TAPBPL: variants seen among roughly 807,000 people sequenced by gnomAD.
TAPBPL encodes TAP binding protein like.
In TAPBPL, 32 loss-of-function variants were observed where a neutral mutation model predicts 44.8. The observed-to-expected ratio is 0.71, with a 90% CI of 0.54 to 0.96. The LOEUF is 0.96. Among genes scored for constraint, TAPBPL ranks in the 40% least tolerant of loss-of-function variants. The probability of loss-of-function intolerance (pLI) is 0.00; values close to 1 mark genes in which losing one functional copy is unlikely to be tolerated. For synonymous variants in TAPBPL, 230 were observed against 240.7 expected (o/e 0.96, Z 0.41); for missense variants, 520 against 586.6 (o/e 0.89, Z 1.17).
At chr12:6,464,572 C>T, downstream of TAPBPL, 15 of 1,463,878 alleles carry the variant, frequency 1.0e-5, no homozygotes, top group South Asian at 1.5e-5. Context: ...AGTTACCAGA[C>T]ATTCAGGTCT....
At position 6,457,509 on chromosome 12, in the gene TAPBPL, C is replaced by T. The variant is rs1298195897; in HGVS notation, c.669C>T (p.Ile223=). ...CCATGGCACCGGGCTTGGACCTCAT[C>T]AGTGTGGAGTGGCGACTGCAGCACA... ...GFSMAPGLDL[I]SVEWRLQHKG... is the part of the protein sequence containing the mutation. Residue 223 remains isoleucine, a synonymous_variant, in exon 4 of 7, where the codon ATC becomes ATT. Coordinates refer to ENST00000266556, the MANE Select transcript of TAPBPL (RefSeq NM_018009.5). The T allele has an allele frequency of 6.2e-7, 1 of 1,614,228 alleles. No individual in the cohort carries two copies. The highest frequency in any genetic ancestry group is 1.3e-5 in the African/African-American group (1 of 75,062).
chr12:6,452,966 T>G (rs1949597087), intron 1 of TAPBPL, 101 bp from the exon 2 acceptor site: 3 of 1,250,942 alleles, frequency 2.4e-6, no homozygotes, highest in Non-Finnish European at 3.3e-6. Flanking sequence ...GGATGGCAAC[T>G]TTTACCCTTT....
rs143288119 is a variant in TAPBPL at position 6,453,545 on chromosome 12, A to T, written c.394A>T (p.Thr132Ser). 1.2e-6 allele frequency: 2 copies of T among 1,614,004 alleles called. No homozygotes were observed. Among genetic ancestry groups the T allele is most frequent in the African/African-American group, 1.3e-5 (1 of 74,912 alleles). ...GATCTCCCGCTACTTTCTCCAGATG[A>T]CAGAGACCACTGTTAAGACAGCAGC... is the stretch of plus-strand genomic sequence containing the variant. ...CEISRYFLQM[T>S]ETTVKTAAWF... Residue 132 changes from threonine to serine, a missense_variant, in exon 3 of 7, where the codon ACA becomes TCA. Coordinates refer to ENST00000266556, the MANE Select transcript of TAPBPL (RefSeq NM_018009.5). The surrounding 1 kb of genome is among the most constrained non-coding windows in gnomAD (Gnocchi z 4.8).
chr12:6,452,400 A>G, intron 1 of TAPBPL, 88 bp downstream of exon 1: 1 of 1,502,350 alleles, frequency 6.7e-7, no homozygotes, highest in Non-Finnish European at 8.9e-7. Context: ...AGAAGAGCAA[A>G]GGGGCCGGGG....
chr12:6,465,720 G>C, downstream of TAPBPL: 1 of 1,343,514 alleles, frequency 7.4e-7, no homozygotes, highest in Non-Finnish European at 1.0e-6. Context: ...TTCCTCCCAA[G>C]CGTTATGCTG....
chr12:6,470,385 T>A, downstream of TAPBPL: 1 of 1,225,046 alleles, frequency 8.2e-7, no homozygotes, highest in Admixed American at 2.0e-5. Context: ...TCCCTGGGGG[T>A]GGCCCGGTCC....
chr12:6,464,637 A>C, downstream of TAPBPL: 1 of 1,456,784 alleles, frequency 6.9e-7, no homozygotes, highest in East Asian at 2.5e-5. Context: ...AGCCAGTGAC[A>C]CACAGCATAG....
chr12:6,466,370 A>G (rs775694272), downstream of TAPBPL: 13 of 1,608,004 alleles, frequency 8.1e-6, no homozygotes, highest in East Asian at 2.7e-4. Context: ...AGACATGTGC[A>G]GAGTACACAA....
chr12:6,464,145 C>G, downstream of TAPBPL: 1 of 1,389,674 alleles, frequency 7.2e-7, no homozygotes, highest in South Asian at 1.2e-5. Context: ...ATGGGTACTT[C>G]GCCTCAGCCA....
chr12:6,452,010 G>C, upstream of TAPBPL: 1 of 570,200 alleles, frequency 1.8e-6, no homozygotes. Context: ...GGTGAGAAAG[G>C]AAACAGCAAG....
chr12:6,471,246 G>C (rs1166953125), downstream of TAPBPL, among the ~76,000 whole-genome samples: 2 of 152,186 alleles, frequency 1.3e-5, no homozygotes, highest in African/African-American at 2.4e-5. The surrounding 1 kb of genome is among the most constrained non-coding windows in gnomAD (Gnocchi z 4.0). Flanking sequence ...AAGCAAGCAC[G>C]AAGCTTTCGT....
downstream of TAPBPL, chr12:6,463,055 G>A: frequency 6.5e-7 from 1 of 1,541,070 alleles, no homozygotes; most frequent in Non-Finnish European, 8.7e-7. The surrounding 1 kb of genome is among the most constrained non-coding windows in gnomAD (Gnocchi z 4.0). Flanking sequence ...CCTTGCACCT[G>A]GGCTTATCCC....
At chr12:6,467,469 A>C (rs1340953417), downstream of TAPBPL, among the ~76,000 whole-genome samples, 1 of 152,234 alleles carries the variant, frequency 6.6e-6, no homozygotes, top group African/African-American at 2.4e-5. Context: ...TGGCAAAAAG[A>C]CTGGCAGCAT....
chr12:6,464,243 C>T (rs546342393), downstream of TAPBPL: 1,690 of 1,522,538 alleles, frequency 1.1e-3, 4 homozygotes, highest in Middle Eastern at 7.1e-3. Flanking sequence ...AGGGAGGAGG[C>T]GCCAGCTGTT....
intron 4 of TAPBPL, 52 bp downstream of exon 4, chr12:6,457,796 G>A: frequency 6.8e-7 from 1 of 1,474,196 alleles, no homozygotes; most frequent in Non-Finnish European, 9.0e-7. Context: ...ATGTCTACTG[G>A]GAGCGTTTCC....
chr12:6,463,115 A>G, downstream of TAPBPL: 1 of 1,501,514 alleles, frequency 6.7e-7, no homozygotes, highest in Non-Finnish European at 8.9e-7. This position sits in a 1 kb window ranked among gnomAD's most constrained non-coding sequence, Gnocchi z 4.0. Flanking sequence ...AGATAGGCTG[A>G]GCAGATCCCA....
chr12:6,463,729 AAAG>A, downstream of TAPBPL: 19 of 1,154,988 alleles, frequency 1.6e-5, no homozygotes, highest in Non-Finnish European at 1.8e-5. This position sits in a 1 kb window ranked among gnomAD's most constrained non-coding sequence, Gnocchi z 4.0. Context: ...TAGAAAATGT[AAAG>A]AAGAGAAAGC....
At chr12:6,465,373 A>ATATAT (rs1565525991), downstream of TAPBPL, 1 of 104,188 alleles carries the variant, frequency 9.6e-6, no homozygotes, top group South Asian at 1.7e-4. Flanking sequence ...TATATATATA[A>ATATAT]ATGTATATAT....
rs1949729594 is a variant in TAPBPL, at chr12:6,457,478, G to C, written c.638G>C (p.Gly213Ala). The C allele has an allele frequency of 6.2e-7, 1 of 1,614,108 alleles. No homozygotes were observed. Among genetic ancestry groups the C allele is most frequent in the Non-Finnish European group, 8.5e-7 (1 of 1,180,054 alleles). ...LLGSSASLDCGFSMAPGLDLI... is the reference protein window; with the variant it reads ...LLGSSASLDCAFSMAPGLDLI... ...GGGTCCTCAGCCTCCTTGGACTGTG[G>C]CTTCTCCATGGCACCGGGCTTGGAC... The change falls in exon 4 of 7, where the codon GGC (glycine) becomes GCC (alanine). Residue 213 changes from glycine to alanine, a missense_variant. By Grantham distance (60) the Gly-to-Ala change is moderately conservative. Transcript: ENST00000266556.
Sources: allele counts gnomAD v4.1 joint callset (sites outside exome capture counted in the v4.1 genomes callset), GRCh38; gene constraint gnomAD v4.1.1; non-coding constraint Gnocchi (gnomAD v3.1); transcripts MANE v1.5; gene names NCBI Gene and HGNC (gene_info 2026-07-23, HGNC 2026-07-21).